The following ROBO1 variants were observed in gnomAD, a reference collection of about 807,000 sequenced individuals.
ROBO1 encodes the protein roundabout homolog 1.
Under a neutral mutation model 195.9 loss-of-function variants are expected in ROBO1, and 149 were observed. The ratio of observed to expected loss-of-function variants is 0.76; its 90% CI spans 0.67 to 0.87. The LOEUF is 0.87. ROBO1 is among the 40% of genes least tolerant of loss of function. The pLI is 0.00. For missense variants in ROBO1, 1,933 were observed against 2,068.3 expected, an observed-to-expected ratio of 0.93 and a Z score of 1.27; for synonymous variants, 816 against 733.2, an observed-to-expected ratio of 1.11 and a Z score of -1.82.
chr3:79,270,878 C>A (rs2030489981), intron 2 of ROBO1, among the ~76,000 whole-genome samples: 1 of 151,844 alleles, frequency 6.6e-6, no homozygotes, highest in African/African-American at 2.4e-5. Context: ...ATAATGTAAT[C>A]ATATTTATCT....
intron 3 of ROBO1, among the ~76,000 whole-genome samples, chr3:79,079,826 T>C (rs998588228): frequency 2.6e-5 from 4 of 151,862 alleles, no homozygotes; most frequent in African/African-American, 9.7e-5. Flanking sequence ...CTCACATTTA[T>C]AGAAGCGATA....
intron 2 of ROBO1, among the ~76,000 whole-genome samples, chr3:79,277,673 C>A (rs900421330): frequency 6.6e-6 from 1 of 151,738 alleles, no homozygotes; most frequent in Non-Finnish European, 1.5e-5. Context: ...GTGATGGATA[C>A]CCCATTTACT....
chr3:79,723,722 C>T (rs1200483580), intron 1 of ROBO1, among the ~76,000 whole-genome samples: 1 of 151,996 alleles, frequency 6.6e-6, no homozygotes, highest in African/African-American at 2.4e-5. Context: ...TTTAATCACA[C>T]AGTAAGAAGT....
chr3:78,888,637 A>G (rs964033994), intron 4 of ROBO1, among the ~76,000 whole-genome samples: 1 of 152,204 alleles, frequency 6.6e-6, no homozygotes, highest in South Asian at 2.1e-4. Context: ...ACCTTAAAAC[A>G]GTAGTTCTTT....
chr3:78,883,575 G>T (rs1303186822), intron 4 of ROBO1, among the ~76,000 whole-genome samples: 1 of 152,004 alleles, frequency 6.6e-6, no homozygotes, highest in Non-Finnish European at 1.5e-5. Flanking sequence ...TGGTGACAGG[G>T]TCTCAAACTC....
chr3:78,803,220 A>G (rs907394565), intron 4 of ROBO1, among the ~76,000 whole-genome samples: 12 of 152,130 alleles, frequency 7.9e-5, no homozygotes, highest in African/African-American at 2.9e-4. Context: ...ACAGGAAACA[A>G]TGTCTCTCTT....
chr3:79,594,678 A>G (rs1944107904), intron 1 of ROBO1, among the ~76,000 whole-genome samples: 1 of 151,986 alleles, frequency 6.6e-6, no homozygotes, highest in Admixed American at 6.6e-5. Flanking sequence ...CATCTTTCTG[A>G]AGTGTAAAAT....
chr3:78,735,250 T>C lies in ROBO1; in HGVS notation c.657+11493A>G, dbSNP rs1033956454. ...CAGGAGAACTTAAAATAACGCTTTA[T>C]AATGAGGCTGTTATCAACAGTCCTC... On this transcript the variant is annotated intron_variant, in intron 5 of 30. Transcript: ENST00000464233. Among the ~76,000 whole-genome samples, 3 of 152,222 alleles carry C rather than the reference T, an allele frequency of 2.0e-5. No individual in the cohort carries two copies. The East Asian group carries it at 5.8e-4, about 29-fold the overall frequency.
intron 2 of ROBO1, among the ~76,000 whole-genome samples, chr3:79,201,385 T>C (rs1252199654): frequency 6.6e-6 from 1 of 151,992 alleles, no homozygotes; most frequent in African/African-American, 2.4e-5. Flanking sequence ...CAATAACAAG[T>C]ACTTTTATAG....
At chr3:78,722,347 T>C (rs2082063297) in intron 5 of ROBO1, among the ~76,000 whole-genome samples, 1 of 152,150 alleles carries the variant, frequency 6.6e-6, no homozygotes, top group South Asian at 2.1e-4. Context: ...GTTTACTCTG[T>C]CAAATTTTTC....
intron 1 of ROBO1, among the ~76,000 whole-genome samples, chr3:79,597,054 T>G (rs946107874): frequency 6.6e-6 from 1 of 151,980 alleles, no homozygotes; most frequent in Non-Finnish European, 1.5e-5. Context: ...AAAATACATA[T>G]GTCATACTGT....
At chr3:78,738,322 C>T (rs2082440970) in intron 5 of ROBO1, among the ~76,000 whole-genome samples, 1 of 152,072 alleles carries the variant, frequency 6.6e-6, no homozygotes, top group Admixed American at 6.6e-5. Context: ...TAGGAAAAGA[C>T]CTGATGACAT....
chr3:78,817,094 T>C (rs908317458), intron 4 of ROBO1, among the ~76,000 whole-genome samples: 6 of 152,136 alleles, frequency 3.9e-5, no homozygotes, highest in African/African-American at 9.7e-5. Flanking sequence ...CTGAGTAAAA[T>C]GTGATCAAAC....
At chr3:78,598,978 GTGTTA>G in intron 30 of ROBO1, 51 bp from the exon 31 acceptor site, 1 of 1,173,820 alleles carries the variant, frequency 8.5e-7, no homozygotes, top group Admixed American at 2.2e-5. Context: ...TAAGAGGATT[GTGTTA>G]TATTTATTTA....
chr3:79,144,084 A>G (rs938796037), intron 2 of ROBO1, among the ~76,000 whole-genome samples: 1 of 151,824 alleles, frequency 6.6e-6, no homozygotes, highest in Non-Finnish European at 1.5e-5. Flanking sequence ...GATGTACTAG[A>G]GTTTATTTAG....
intron 2 of ROBO1, among the ~76,000 whole-genome samples, chr3:79,372,269 C>A (rs1459207041): frequency 6.6e-6 from 1 of 150,736 alleles, no homozygotes. Context: ...TGCAGGAGCA[C>A]GATCTCAGTT....
At chr3:79,477,811 C>T (rs1385430959) in intron 2 of ROBO1, among the ~76,000 whole-genome samples, 3 of 152,092 alleles carry the variant, frequency 2.0e-5, no homozygotes, top group Non-Finnish European at 4.4e-5. Context: ...AAACAAGATT[C>T]ATAATTGTAC....
At chr3:79,630,799 A>G (rs1384486041) in intron 1 of ROBO1, among the ~76,000 whole-genome samples, 1 of 152,090 alleles carries the variant, frequency 6.6e-6, no homozygotes, top group Non-Finnish European at 1.5e-5. Flanking sequence ...TACAAAATCA[A>G]CATAAAAAAA....
At chr3:78,709,065 C>G (rs984750186) in intron 8 of ROBO1, among the ~76,000 whole-genome samples, 4 of 152,110 alleles carry the variant, frequency 2.6e-5, no homozygotes, top group African/African-American at 7.2e-5. Context: ...AACAGGGATG[C>G]AGACAAACAC....
Sources: allele counts gnomAD v4.1 joint callset (sites outside exome capture counted in the v4.1 genomes callset), GRCh38; gene constraint gnomAD v4.1.1; transcripts MANE v1.5; gene names NCBI Gene and HGNC (gene_info 2026-07-23, HGNC 2026-07-21).